Variants in SLFN12L observed in about 807,000 individuals in gnomAD.
SLFN12L encodes schlafen family member 12 like, also known as schlafen family member 12-like.
A neutral mutation model predicts 34.8 loss-of-function variants in SLFN12L; 34 were observed. The ratio of observed to expected loss-of-function variants is 0.98; its 90% CI spans 0.74 to 1.30. The LOEUF (loss-of-function observed/expected upper bound fraction) is 1.30. SLFN12L is among the 50% of genes most tolerant of loss of function. The probability of loss-of-function intolerance (pLI) is 0.00; values close to 1 mark genes in which losing one functional copy is unlikely to be tolerated. For missense variants in SLFN12L, 703 were observed against 696.2 expected (o/e 1.01, Z -0.11); for synonymous variants, 259 against 247.5 (o/e 1.05, Z -0.44).
At position 35,501,269 on chromosome 17, in the gene SLFN12L, A is replaced by G. The variant is rs147939829; in HGVS notation, c.86+21010T>C. Among the ~76,000 whole-genome samples the G allele has an allele frequency of 3.6e-3, 543 of 152,336 alleles. 2 individuals are homozygous for G. The highest frequency in any genetic ancestry group is 0.012 in the African/African-American group (504 of 41,576). ...TTAGAGCAGAGCATGGCAGACCCCA[A>G]TGGAGGATCAATATGGTGGCTGAAC... On this transcript the variant is annotated intron_variant, in intron 2 of 4. Coordinates refer to ENST00000628453, the MANE Select transcript of SLFN12L (RefSeq NM_001363830.2).
chr17:35,491,517 AT>A (rs922897337), intron 2 of SLFN12L, among the ~76,000 whole-genome samples: 3 of 152,186 alleles, frequency 2.0e-5, no homozygotes, highest in Admixed American at 6.5e-5. Context: ...AAAATGTACA[AT>A]CAGTTGTCTC....
At chr17:35,515,197 A>G in intron 2 of SLFN12L, 1 of 594,878 alleles carries the variant, frequency 1.7e-6, no homozygotes, top group Non-Finnish European at 3.2e-6. Context: ...CCTCTTCCCC[A>G]GAACGCTGAG....
chr17:35,509,848 C>A (rs931051635), intron 2 of SLFN12L, among the ~76,000 whole-genome samples: 1 of 152,048 alleles, frequency 6.6e-6, no homozygotes, highest in Non-Finnish European at 1.5e-5. Context: ...CAGGTGCCTG[C>A]CACCACGCCT....
chr17:35,487,472 C>CCG (rs141542049), intron 2 of SLFN12L, among the ~76,000 whole-genome samples: 2 of 118,862 alleles, frequency 1.7e-5, no homozygotes, highest in Non-Finnish European at 3.6e-5. Flanking sequence ...CCACGGACCA[C>CCG]CCCCCCCGGA....
intron 2 of SLFN12L, among the ~76,000 whole-genome samples, chr17:35,505,973 CT>C (rs1915454335): frequency 6.6e-6 from 1 of 152,120 alleles, no homozygotes; most frequent in African/African-American, 2.4e-5. Flanking sequence ...TTATTTTATG[CT>C]TATTGTAAGT....
chr17:35,499,424 T>C (rs1788317682), intron 2 of SLFN12L, among the ~76,000 whole-genome samples: 1 of 152,244 alleles, frequency 6.6e-6, no homozygotes, highest in Admixed American at 6.5e-5. Context: ...ATCTGAAATG[T>C]GGATAACAAC....
chr17:35,509,037 G>T (rs1165010806), intron 2 of SLFN12L, among the ~76,000 whole-genome samples: 2 of 152,220 alleles, frequency 1.3e-5, no homozygotes, highest in Admixed American at 6.5e-5. Context: ...GAGGAACAGA[G>T]TGAGGAATCC....
At chr17:35,476,547 C>G (rs1329867346) in intron 4 of SLFN12L, among the ~76,000 whole-genome samples, 1 of 151,566 alleles carries the variant, frequency 6.6e-6, no homozygotes, top group Non-Finnish European at 1.5e-5. Flanking sequence ...AAAATATCAA[C>G]TGATCAACTG....
chr17:35,517,889 A>G (rs754684159), intron 2 of SLFN12L, among the ~76,000 whole-genome samples: 5 of 152,216 alleles, frequency 3.3e-5, no homozygotes, highest in Admixed American at 6.5e-5. Flanking sequence ...CCTATACAAA[A>G]ATTAACTCAA....
Position 35,469,408 on chromosome 17 carries a change from C to T in SLFN12L, c.*5515G>A, listed in dbSNP as rs1913771082. ...TCCACCAAGATAATAGTAAAAACCT[C>T]CAAAAATTTCAGATCTACTTTCTTG... On this transcript the variant is annotated 3_prime_UTR_variant, in exon 5 of 5. Coordinates refer to ENST00000628453, the MANE Select transcript of SLFN12L (RefSeq NM_001363830.2). Among the ~76,000 whole-genome samples, 1 of 149,070 alleles carries T rather than the reference C, an allele frequency of 6.7e-6. No individual in the cohort carries two copies. The highest frequency in any genetic ancestry group is 1.5e-5 in the Non-Finnish European group (1 of 67,508).
At position 35,530,501 on chromosome 17, in the gene SLFN12L, A is replaced by T. The variant is rs1270370781; in HGVS notation, c.-606+7072T>A. On this transcript the variant is annotated intron_variant, in intron 1 of 4. Transcript: ENST00000628453. Reference sequence around the variant, plus strand: ...GAAAGAAAGAAAGAAAGAAAGAAAGAAAGAAAGAAAGAAAAGAAAAGAAAA... The same window carrying T: ...GAAAGAAAGAAAGAAAGAAAGAAAGTAAGAAAGAAAGAAAAGAAAAGAAAA... Among the ~76,000 whole-genome samples, 77 of 35,076 alleles carry T rather than the reference A, an allele frequency of 2.2e-3. 5 individuals carry two copies. Among genetic ancestry groups the T allele is most frequent in the African/African-American group, 5.4e-3 (69 of 12,710 alleles). 23.0% of individuals were successfully genotyped at this position (35,076 alleles called of 152,430 possible). A position where few individuals can be genotyped will look rare whatever the true frequency, so the allele number is the denominator to read the frequency against.
At chr17:35,508,465 G>A (rs1247774803) in intron 2 of SLFN12L, among the ~76,000 whole-genome samples, 1 of 152,170 alleles carries the variant, frequency 6.6e-6, no homozygotes, top group Non-Finnish European at 1.5e-5. Context: ...TCCTGCCTCA[G>A]CCTCCTGAGT....
At chr17:35,495,687 A>G (rs908054863) in intron 2 of SLFN12L, among the ~76,000 whole-genome samples, 1 of 18,542 alleles carries the variant, frequency 5.4e-5, no homozygotes, top group Non-Finnish European at 1.1e-4. Context: ...CCCCACCCCC[A>G]CCAGTCCGAT....
intron 2 of SLFN12L, among the ~76,000 whole-genome samples, chr17:35,486,255 GC>G (rs1263455975): frequency 6.6e-6 from 1 of 152,098 alleles, no homozygotes; most frequent in Non-Finnish European, 1.5e-5. Context: ...TCTTCTTGCA[GC>G]CTCTGTAACT....
At chr17:35,483,114 G>A (rs1402699231) in intron 2 of SLFN12L, among the ~76,000 whole-genome samples, 3 of 151,970 alleles carry the variant, frequency 2.0e-5, no homozygotes, top group Non-Finnish European at 2.9e-5. Flanking sequence ...GAGAAGCAAC[G>A]GTCCCCAGGG....
At chr17:35,492,809 A>G (rs1567662387) in intron 2 of SLFN12L, among the ~76,000 whole-genome samples, 2 of 152,194 alleles carry the variant, frequency 1.3e-5, no homozygotes, top group African/African-American at 4.8e-5. Context: ...CATTCCTTGG[A>G]TGCTAAGGAC....
chr17:35,501,566 C>T (rs760685445), intron 2 of SLFN12L, among the ~76,000 whole-genome samples: 1 of 152,088 alleles, frequency 6.6e-6, no homozygotes, highest in Non-Finnish European at 1.5e-5. Flanking sequence ...TTTATCCGTT[C>T]TTTGTTTTGT....
Position 35,469,330 on chromosome 17 carries a change from A to T in SLFN12L, c.*5593T>A, listed in dbSNP as rs1913768576. On this transcript the variant is annotated 3_prime_UTR_variant, in exon 5 of 5. Transcript: ENST00000628453. ...ATATATATATATTATATATATAAAT[A>T]TATATATAATATATATATATATGTA... Among the ~76,000 whole-genome samples, 1 of 138,604 alleles carries T rather than the reference A, an allele frequency of 7.2e-6. No homozygotes were observed. Among genetic ancestry groups the T allele is most frequent in the African/African-American group, 2.7e-5 (1 of 37,218 alleles). 90.9% of individuals were successfully genotyped at this position (138,604 alleles called of 152,430 possible).
intron 2 of SLFN12L, chr17:35,510,063 G>A (rs904417421): frequency 1.3e-5 from 2 of 152,170 alleles, no homozygotes; most frequent in Non-Finnish European, 2.9e-5. Flanking sequence ...ACTGGTAAAA[G>A]CAAGTAGTGG....
Sources: gnomAD v4.1 joint callset for allele counts (sites outside exome capture counted in the v4.1 genomes callset) on GRCh38, gnomAD v4.1.1 for gene constraint, MANE v1.5 for transcripts, NCBI Gene and HGNC (gene_info 2026-07-23, HGNC 2026-07-21) for gene names.